PLEKHA7: variants seen among roughly 807,000 people sequenced by gnomAD.
PLEKHA7 encodes pleckstrin homology domain-containing family A member 7.
PLEKHA7 carries 104 observed loss-of-function variants against 170.0 expected under a neutral mutation model. The ratio of observed to expected loss-of-function variants is 0.61; its 90% CI spans 0.52 to 0.72. The LOEUF (loss-of-function observed/expected upper bound fraction) is 0.72. PLEKHA7 is among the 30% of genes least tolerant of loss of function. The probability of loss-of-function intolerance (pLI) is 0.00; values close to 1 mark genes in which losing one functional copy is unlikely to be tolerated. For missense variants in PLEKHA7, 1,615 were observed against 1,671.7 expected (o/e 0.97, Z 0.59); for synonymous variants, 648 against 660.8 (o/e 0.98, Z 0.30).
chr11:16,909,774 C>A (rs988832785), intron 3 of PLEKHA7, among the ~76,000 whole-genome samples: 1 of 152,166 alleles, frequency 6.6e-6, no homozygotes, highest in African/African-American at 2.4e-5. Context: ...GCTTCACTGC[C>A]CACATTCAGG....
chr11:16,957,002 C>T lies in PLEKHA7; in HGVS notation c.221+56987G>A, dbSNP rs562790932. Among the ~76,000 whole-genome samples the T allele has an allele frequency of 2.0e-4, 30 of 152,314 alleles. 1 individual carries two copies. In the South Asian group the frequency reaches 6.0e-3, roughly 31 times the overall value. Reference sequence around the variant, plus strand: ...GAGGCATTATCACCTCCCCCCGTGGCTTTAGGCGCAGCATTAGTCACCTGC... The same window carrying T: ...GAGGCATTATCACCTCCCCCCGTGGTTTTAGGCGCAGCATTAGTCACCTGC... On this transcript the variant is annotated intron_variant, in intron 3 of 26. Coordinates refer to ENST00000531066, the MANE Select transcript of PLEKHA7 (RefSeq NM_001329630.2).
At chr11:16,839,131 C>T (rs10832692) in intron 9 of PLEKHA7, among the ~76,000 whole-genome samples, 69,971 of 151,950 alleles carry the variant, frequency 0.46, 17,826 homozygotes, top group East Asian at 0.71. Context: ...TTTAAAAATA[C>T]ACTACAGTAC....
chr11:16,816,228 T>C lies in PLEKHA7; in HGVS notation c.1903A>G (p.Met635Val), dbSNP rs777257335. 6 of 1,613,782 alleles carry C rather than the reference T, an allele frequency of 3.7e-6. No homozygotes were observed. The highest frequency in any genetic ancestry group is 3.3e-5 in the Admixed American group (2 of 59,992). ...CTGACGGTGTGGGTCATGTAACCCA[T>C]GGAGGGCATGGAGCGTCGGTCCACA... ...SHVDRRSMPS[M>V]GYMTHTVSAP... Residue 635 changes from methionine (M) to valine (V), a missense_variant, in exon 12 of 27, where the codon ATG becomes GTG. Met to Val is a conservative substitution (Grantham distance 21). Coordinates refer to ENST00000531066, the MANE Select transcript of PLEKHA7 (RefSeq NM_001329630.2).
In PLEKHA7 at chr11:16,778,813, GC is replaced by G; in HGVS notation, c.*184del. ...CATTCATATGTAGAGAGGAGTCTGA[GC>G]TAAACTAGTGGGTGCATATTAGGGC... On this transcript the variant is annotated 3_prime_UTR_variant, in exon 27 of 27. Transcript: ENST00000531066. 3.2e-6 allele frequency: 2 copies of G among 624,036 alleles called. No homozygotes were observed. The highest frequency in any genetic ancestry group is 5.8e-6 in the Non-Finnish European group (2 of 345,958). The allele number at this position is 624,036 out of a possible 1,614,324, so 38.7% of individuals were successfully genotyped here. A position where few individuals can be genotyped will look rare whatever the true frequency, so the allele number is the denominator to read the frequency against.
At chr11:16,929,028 A>G (rs932315449) in intron 3 of PLEKHA7, among the ~76,000 whole-genome samples, 6 of 152,236 alleles carry the variant, frequency 3.9e-5, no homozygotes, top group South Asian at 2.1e-4. Context: ...GTTGTCAGAC[A>G]ATAAACATAT....
At chr11:16,825,974 T>C (rs977010177) in intron 10 of PLEKHA7, 146 bp downstream of exon 10, 1 of 884,470 alleles carries the variant, frequency 1.1e-6, no homozygotes, top group Non-Finnish European at 1.8e-6. Context: ...TCACCCTTTC[T>C]TGCAGGGTTG....
Position 16,884,099 on chromosome 11 carries a change from T to G in PLEKHA7, c.222-12917A>C, listed in dbSNP as rs567370636. Among the ~76,000 whole-genome samples the G allele has an allele frequency of 3.3e-3, 439 of 133,382 alleles. 10 individuals are homozygous for G. Among genetic ancestry groups the G allele is most frequent in the Admixed American group, 0.03 (389 of 13,058 alleles). The allele number at this position is 133,382 out of a possible 152,430, so 87.5% of individuals were successfully genotyped here. On this transcript the variant is annotated intron_variant, in intron 3 of 26. Coordinates refer to ENST00000531066, the MANE Select transcript of PLEKHA7 (RefSeq NM_001329630.2). The stretch of plus-strand genomic sequence containing the variant: ...TATATCTTGGACTCCTCCATATCCA[T>G]ACACAAGGATGAACATAAACAGCCC...
intron 3 of PLEKHA7, among the ~76,000 whole-genome samples, chr11:16,953,509 G>A (rs1399269179): frequency 1.3e-5 from 2 of 152,096 alleles, no homozygotes; most frequent in Non-Finnish European, 2.9e-5. Context: ...CAAATGATAA[G>A]GACCGGGGCT....
In PLEKHA7 at chr11:16,803,226, C is replaced by G; in HGVS notation, c.2076+1G>C. On this transcript the variant is annotated splice_donor_variant, in intron 14 of 26. Transcript: ENST00000531066. LOFTEE classifies it high-confidence loss of function. ...GTCAGCGTGTCACTCTGCTCACTCACGTCAGTGTCGCTCTCAGCGATCTTC... is the reference window on the plus strand; with the variant it reads ...GTCAGCGTGTCACTCTGCTCACTCAGGTCAGTGTCGCTCTCAGCGATCTTC... The G allele has an allele frequency of 6.2e-7, 1 of 1,613,312 alleles. No homozygotes were observed. Among genetic ancestry groups the G allele is most frequent in the Non-Finnish European group, 8.5e-7 (1 of 1,179,238 alleles).
intron 25 of PLEKHA7, 129 bp from the exon 26 acceptor site, chr11:16,783,025 T>C (rs1275415996): frequency 9.8e-7 from 1 of 1,015,578 alleles, no homozygotes; most frequent in East Asian, 2.6e-5. Context: ...TGGTACTTTC[T>C]CCCTAGACAA....
chr11:16,999,337 C>T (rs1308895503), intron 3 of PLEKHA7, among the ~76,000 whole-genome samples: 1 of 151,974 alleles, frequency 6.6e-6, no homozygotes. Context: ...CCCAGGCCCT[C>T]CTCTGCCTGC....
intron 3 of PLEKHA7, among the ~76,000 whole-genome samples, chr11:16,951,900 G>C (rs1861428875): frequency 6.6e-6 from 1 of 152,160 alleles, no homozygotes; most frequent in African/African-American, 2.4e-5. Context: ...TTTATCTTTA[G>C]TTCCCATCCC....
chr11:16,891,845 T>C (rs1364890330), intron 3 of PLEKHA7, among the ~76,000 whole-genome samples: 1 of 152,184 alleles, frequency 6.6e-6, no homozygotes, highest in Non-Finnish European at 1.5e-5. Context: ...CTGAAGCAAC[T>C]GGAGTTTTCA....
At chr11:16,848,045 T>C (rs1054683451) in intron 8 of PLEKHA7, among the ~76,000 whole-genome samples, 3 of 152,092 alleles carry the variant, frequency 2.0e-5, no homozygotes, top group Admixed American at 6.6e-5. Flanking sequence ...GGTCCTGCTC[T>C]ACAGTGTGCT....
In PLEKHA7 at chr11:16,805,707, T is replaced by C. The variant is rs563047056; in HGVS notation, c.2008-2412A>G. 4.0e-5 allele frequency among the ~76,000 whole-genome samples: 6 copies of C among 151,254 alleles called. No homozygotes were observed. The East Asian group carries it at 1.2e-3, about 29-fold the overall frequency. ...CGGGAGGTTGAGGCAGGAGAATCTCTTGAACCTGGGAGGCAGAGGTTGCAG... is the reference window on the plus strand; with the variant it reads ...CGGGAGGTTGAGGCAGGAGAATCTCCTGAACCTGGGAGGCAGAGGTTGCAG... On this transcript the variant is annotated intron_variant, in intron 13 of 26. Transcript: ENST00000531066.
rs182465250 is a variant in PLEKHA7, at chr11:16,791,382, C to T, written c.2746-183G>A. 20 of 622,450 alleles carry T rather than the reference C, an allele frequency of 3.2e-5. No individual in the cohort carries two copies. Among genetic ancestry groups the T allele is most frequent in the Admixed American group, 5.6e-5 (2 of 35,440 alleles). The allele number at this position is 622,450 out of a possible 1,614,324, so 38.6% of individuals were successfully genotyped here. ...CGGAGCAGTGAAGAAGGGACATGCTCTGCTCCTCTATCCCCTCAGAGGTAT... is the reference window on the plus strand; with the variant it reads ...CGGAGCAGTGAAGAAGGGACATGCTTTGCTCCTCTATCCCCTCAGAGGTAT... On this transcript the variant is annotated intron_variant, in intron 19 of 26. Coordinates refer to ENST00000531066, the MANE Select transcript of PLEKHA7 (RefSeq NM_001329630.2). The surrounding 1 kb of genome is among the most constrained non-coding windows in gnomAD (Gnocchi z 4.5).
intron 4 of PLEKHA7, among the ~76,000 whole-genome samples, chr11:16,866,523 C>T (rs1361341060): frequency 6.6e-6 from 1 of 151,886 alleles, no homozygotes. Flanking sequence ...ACCCGGGAGG[C>T]GGAGGTTGCA....
intron 3 of PLEKHA7, among the ~76,000 whole-genome samples, chr11:16,882,570 C>A (rs573993521): frequency 6.6e-6 from 1 of 152,322 alleles, no homozygotes; most frequent in South Asian, 2.1e-4. Flanking sequence ...AGGGCATTTG[C>A]TTGGACAGAA....
chr11:16,854,475 C>T (rs567614050), intron 6 of PLEKHA7, among the ~76,000 whole-genome samples: 1 of 152,012 alleles, frequency 6.6e-6, no homozygotes, highest in African/African-American at 2.4e-5. Context: ...GAATTTGAGA[C>T]GTTAGGTGGA....
Sources: allele counts gnomAD v4.1 joint callset (sites outside exome capture counted in the v4.1 genomes callset), GRCh38; gene constraint gnomAD v4.1.1; non-coding constraint Gnocchi (gnomAD v3.1); transcripts MANE v1.5; gene names NCBI Gene and HGNC (gene_info 2026-07-23, HGNC 2026-07-21).